The following SEC23B variants were observed in gnomAD, a reference collection of about 807,000 sequenced individuals.
SEC23B encodes the protein SEC23 homolog B, COPII component.
In SEC23B, 77 loss-of-function variants were observed where a neutral mutation model predicts 104.3. The observed-to-expected ratio is 0.74, with a 90% confidence interval of 0.61 to 0.89. SEC23B has a LOEUF of 0.89. Ranked by LOEUF, SEC23B falls within the 40% of genes least tolerant of loss-of-function variation. SEC23B has a pLI of 0.00. For synonymous variants in SEC23B, 338 were observed against 332.5 expected, an observed-to-expected ratio of 1.02 and a Z score of -0.18; for missense variants, 885 against 949.4, an observed-to-expected ratio of 0.93 and a Z score of 0.89.
At chr20:18,508,045 C>G (rs1008582548) in intron 1 of SEC23B, 73 bp downstream of exon 1, 1 of 152,648 alleles carries the variant, frequency 6.6e-6, no homozygotes, top group African/African-American at 2.4e-5. Context: ...GAGTTTCTGC[C>G]GGGGGCGAGG....
At chr20:18,546,294 C>T (rs752939654) in intron 15 of SEC23B, among the ~76,000 whole-genome samples, 2 of 152,000 alleles carry the variant, frequency 1.3e-5, no homozygotes, top group Non-Finnish European at 2.9e-5. Context: ...GATATAAGGC[C>T]GTAAAAAATA....
rs1169748479 is a variant in SEC23B, at chr20:18,548,698, G to A, written c.1833G>A (p.Arg611=). The change falls in exon 16 of 20, where the codon CGG becomes CGA. Residue 611 remains arginine (R), a synonymous_variant. Transcript: ENST00000650089. ...CATATTACAGACATCATTTTGCCCG[G>A]CAGGACCTGACCCAGTCCCTCATCA... ...ESSYYRHHFA[R]QDLTQSLIMI... 6.2e-7 allele frequency: 1 copy of A among 1,614,058 alleles called. No individual in the cohort carries two copies. The highest frequency in any genetic ancestry group is 1.1e-5 in the South Asian group (1 of 91,068).
At chr20:18,545,142 G>T (rs1462488259) in intron 14 of SEC23B, among the ~76,000 whole-genome samples, 1 of 152,162 alleles carries the variant, frequency 6.6e-6, no homozygotes, top group Non-Finnish European at 1.5e-5. Flanking sequence ...GACACTGGAG[G>T]GTGGATTTGG....
At chr20:18,508,589 C>T (rs1466589811) in intron 1 of SEC23B, among the ~76,000 whole-genome samples, 2 of 152,270 alleles carry the variant, frequency 1.3e-5, no homozygotes, top group East Asian at 3.9e-4. Flanking sequence ...CTATAGTCCC[C>T]TTGGATTATG....
chr20:18,516,746 G>C (rs2060032066), intron 4 of SEC23B, among the ~76,000 whole-genome samples: 1 of 151,584 alleles, frequency 6.6e-6, no homozygotes, highest in Non-Finnish European at 1.5e-5. Flanking sequence ...GTAGAGACGG[G>C]GTTTCACCAT....
At chr20:18,539,210 TAAA>T (rs763267633) in intron 12 of SEC23B, among the ~76,000 whole-genome samples, 1 of 95,082 alleles carries the variant, frequency 1.1e-5, no homozygotes, top group Non-Finnish European at 2.1e-5. Context: ...AGACTCCGTC[TAAA>T]AAAAAAAAAA....
rs1414974031 is a variant in SEC23B at position 18,525,851 on chromosome 20, G to A, written c.753G>A (p.Arg251=). The A allele has an allele frequency of 6.2e-7, 1 of 1,614,078 alleles. No homozygotes were observed. Among genetic ancestry groups the A allele is most frequent in the South Asian group, 1.1e-5 (1 of 91,076 alleles). Residue 251 remains arginine (R), a synonymous_variant, in exon 7 of 20, where the codon AGG becomes AGA. Coordinates refer to ENST00000650089, the MANE Select transcript of SEC23B (RefSeq NM_006363.6). Reference sequence around the variant, plus strand: ...CTGATCTTCTTGGGGAGCTACAGAGGGACCCATGGCCAGTAACTCAGGGGA... The same window carrying A: ...CTGATCTTCTTGGGGAGCTACAGAGAGACCCATGGCCAGTAACTCAGGGGA... The part of the protein sequence containing the change: ...NLTDLLGELQ[R]DPWPVTQGKR...
chr20:18,536,443 A>G (rs1406924225), intron 12 of SEC23B, among the ~76,000 whole-genome samples: 1 of 152,184 alleles, frequency 6.6e-6, no homozygotes, highest in African/African-American at 2.4e-5. Context: ...CTGTAATCCC[A>G]GCACTTTGGG....
intron 12 of SEC23B, among the ~76,000 whole-genome samples, chr20:18,541,257 TG>T (rs2060285558): frequency 6.6e-6 from 1 of 152,248 alleles, no homozygotes; most frequent in South Asian, 2.1e-4. Flanking sequence ...ATGTTGTATC[TG>T]GTTTGATTTT....
chr20:18,531,411 C>T (rs572642215), intron 10 of SEC23B, among the ~76,000 whole-genome samples: 11 of 152,226 alleles, frequency 7.2e-5, no homozygotes, highest in Non-Finnish European at 1.6e-4. Flanking sequence ...AATCCCAGCA[C>T]TTTGGCAGGC....
At chr20:18,537,669 T>C (rs1374314753) in intron 12 of SEC23B, among the ~76,000 whole-genome samples, 1 of 152,128 alleles carries the variant, frequency 6.6e-6, no homozygotes, top group Non-Finnish European at 1.5e-5. Context: ...CACACCAGCA[T>C]GGCACATGTA....
chr20:18,554,723 A>C (rs1259852560), intron 18 of SEC23B, among the ~76,000 whole-genome samples: 2 of 151,158 alleles, frequency 1.3e-5, no homozygotes, highest in African/African-American at 4.9e-5. Flanking sequence ...GCTATTCGGG[A>C]GGCTGAGGCA....
intron 12 of SEC23B, among the ~76,000 whole-genome samples, chr20:18,539,952 A>G (rs563451109): frequency 5.5e-4 from 84 of 152,272 alleles, no homozygotes; most frequent in Non-Finnish European, 8.1e-4. Context: ...CTGAGGATCC[A>G]CTTCTAATTC....
At chr20:18,549,757 G>T (rs1215844756) in intron 16 of SEC23B, among the ~76,000 whole-genome samples, 3 of 152,106 alleles carry the variant, frequency 2.0e-5, no homozygotes, top group African/African-American at 7.2e-5. Context: ...ATAGCAGGGG[G>T]ATCACATGAC....
intron 12 of SEC23B, among the ~76,000 whole-genome samples, chr20:18,539,018 A>G (rs2148912383): frequency 6.7e-6 from 1 of 149,752 alleles, no homozygotes; most frequent in East Asian, 2.0e-4. Flanking sequence ...AGCCTGAACA[A>G]CATGGTGAAA....
intron 6 of SEC23B, 48 bp from the exon 7 acceptor site, chr20:18,525,739 CA>C: frequency 1.9e-6 from 3 of 1,604,530 alleles, no homozygotes; most frequent in Non-Finnish European, 2.6e-6. Flanking sequence ...TGTTGAAGAC[CA>C]GAGTACTTTA....
chr20:18,510,676 G>A, intron 1 of SEC23B, 146 bp from the exon 2 acceptor site: 1 of 665,974 alleles, frequency 1.5e-6, no homozygotes, highest in African/African-American at 1.8e-5. Context: ...TGTGGCAGGA[G>A]AATCGCTTGA....
At chr20:18,559,622 T>C (rs6075365) in intron 19 of SEC23B, among the ~76,000 whole-genome samples, 103,467 of 152,010 alleles carry the variant, frequency 0.68, 36,662 homozygotes, top group Non-Finnish European at 0.8. Flanking sequence ...AAGATTGTTC[T>C]GTCTTGCTAG....
At chr20:18,544,739 G>T (rs924415194) in intron 14 of SEC23B, among the ~76,000 whole-genome samples, 2 of 152,176 alleles carry the variant, frequency 1.3e-5, no homozygotes, top group Non-Finnish European at 2.9e-5. Flanking sequence ...GAGAGAAAAG[G>T]CTATTGTTGT....
Sources: allele counts gnomAD v4.1 joint callset (sites outside exome capture counted in the v4.1 genomes callset), GRCh38; gene constraint gnomAD v4.1.1; transcripts MANE v1.5; gene names NCBI Gene and HGNC (gene_info 2026-07-23, HGNC 2026-07-21).